NPAS3: variants seen among roughly 807,000 people sequenced by gnomAD.
NPAS3 encodes the protein neuronal PAS domain protein 3, also known as neuronal PAS domain-containing protein 3.
Under a neutral mutation model 73.1 loss-of-function variants are expected in NPAS3, and 14 were observed. The observed-to-expected ratio is 0.19, with a 90% confidence interval of 0.13 to 0.30. The LOEUF (loss-of-function observed/expected upper bound fraction) is 0.30. Among genes scored for constraint, NPAS3 ranks in the 10% least tolerant of loss-of-function variants. The pLI, the probability that NPAS3 is intolerant of heterozygous loss-of-function variation, is 1.00. For synonymous variants in NPAS3, 620 were observed against 541.5 expected, an observed-to-expected ratio of 1.14 and a Z score of -2.01; for missense variants, 1,096 against 1,250.0, an observed-to-expected ratio of 0.88 and a Z score of 1.86.
intron 4 of NPAS3, among the ~76,000 whole-genome samples, chr14:33,505,482 T>C (rs1355515916): frequency 6.6e-6 from 1 of 152,012 alleles, no homozygotes; most frequent in Non-Finnish European, 1.5e-5. Flanking sequence ...ATATGAGTTA[T>C]TAAAAGGTCT....
At chr14:33,497,473 A>T (rs2052263147) in intron 4 of NPAS3, among the ~76,000 whole-genome samples, 1 of 152,148 alleles carries the variant, frequency 6.6e-6, no homozygotes. Flanking sequence ...AGTAACCAAA[A>T]CGGCATGGTA....
chr14:33,315,164 A>G (rs530563389), intron 3 of NPAS3, among the ~76,000 whole-genome samples: 1 of 152,194 alleles, frequency 6.6e-6, no homozygotes, highest in South Asian at 2.1e-4. Context: ...GGAAAATGAC[A>G]TCTATGAAAA....
intron 2 of NPAS3, among the ~76,000 whole-genome samples, chr14:33,194,421 C>T (rs556704056): frequency 2.0e-5 from 3 of 152,090 alleles, no homozygotes; most frequent in Non-Finnish European, 4.4e-5. Flanking sequence ...CAAATCAAGA[C>T]CATAAGCTAC....
chr14:33,324,640 T>C (rs959815274), intron 3 of NPAS3, among the ~76,000 whole-genome samples: 1 of 152,170 alleles, frequency 6.6e-6, no homozygotes, highest in African/African-American at 2.4e-5. Flanking sequence ...TAGAAAATAA[T>C]AGAGATTTCT....
intron 6 of NPAS3, among the ~76,000 whole-genome samples, chr14:33,685,403 A>T (rs556149074): frequency 6.6e-6 from 1 of 152,312 alleles, no homozygotes; most frequent in South Asian, 2.1e-4. Context: ...ATGCCCAAAC[A>T]TATCAAGACC....
chr14:33,351,133 C>T (rs1209851247), intron 3 of NPAS3, among the ~76,000 whole-genome samples: 2 of 152,186 alleles, frequency 1.3e-5, no homozygotes, highest in Admixed American at 6.5e-5. Flanking sequence ...AACTCAAAAT[C>T]AGTTTTTCTT....
chr14:33,673,478 G>A (rs2059668677), intron 5 of NPAS3, among the ~76,000 whole-genome samples: 2 of 152,174 alleles, frequency 1.3e-5, no homozygotes, highest in African/African-American at 2.4e-5. Context: ...AAAATGATGT[G>A]CCAAAGTGGG....
chr14:33,061,568 A>T (rs2041100310), intron 2 of NPAS3, among the ~76,000 whole-genome samples: 1 of 152,210 alleles, frequency 6.6e-6, no homozygotes. Flanking sequence ...CCTATAAATG[A>T]CTTGAAGTAG....
At chr14:33,570,519 C>G (rs2056162011) in intron 5 of NPAS3, among the ~76,000 whole-genome samples, 1 of 152,056 alleles carries the variant, frequency 6.6e-6, no homozygotes, top group African/African-American at 2.4e-5. Flanking sequence ...ATAAAAAAAC[C>G]CATAATTTTT....
At chr14:33,323,407 G>A (rs1331931962) in intron 3 of NPAS3, among the ~76,000 whole-genome samples, 1 of 152,190 alleles carries the variant, frequency 6.6e-6, no homozygotes, top group Non-Finnish European at 1.5e-5. Flanking sequence ...AAGTAGCAGA[G>A]AAAAATTTTT....
At chr14:33,278,697 A>T (rs1020044020) in intron 3 of NPAS3, among the ~76,000 whole-genome samples, 4 of 152,172 alleles carry the variant, frequency 2.6e-5, no homozygotes, top group Non-Finnish European at 1.5e-5. Context: ...AAGATTGAGC[A>T]TATCTCTAAA....
Position 33,568,479 on chromosome 14 carries a change from A to C in NPAS3, c.558+8269A>C, listed in dbSNP as rs529861460. On this transcript the variant is annotated intron_variant, in intron 5 of 11. Transcript: ENST00000356141. ...CCATAATGCGGTGCTTATATGGGCA[A>C]TATATGCAAAATAATACCTCTACAC... Among the ~76,000 whole-genome samples the C allele has an allele frequency of 3.3e-5, 5 of 152,284 alleles. No homozygotes were observed. In the South Asian group the frequency reaches 1.0e-3, roughly 32 times the overall value.
chr14:33,023,746 G>C (rs1405302380), intron 1 of NPAS3, among the ~76,000 whole-genome samples: 1 of 151,948 alleles, frequency 6.6e-6, no homozygotes, highest in East Asian at 1.9e-4. Flanking sequence ...ATATTCTTTT[G>C]TGTTTTTTAA....
chr14:33,002,435 G>A (rs1187676234), intron 1 of NPAS3, among the ~76,000 whole-genome samples: 1 of 152,144 alleles, frequency 6.6e-6, no homozygotes, highest in Non-Finnish European at 1.5e-5. Flanking sequence ...AAATTATTCA[G>A]GGAAGGGAAT....
At chr14:33,573,500 G>A (rs2056312523) in intron 5 of NPAS3, among the ~76,000 whole-genome samples, 1 of 152,188 alleles carries the variant, frequency 6.6e-6, no homozygotes, top group Admixed American at 6.5e-5. Context: ...ACCTGGAGAA[G>A]TTTGCAAAGA....
intron 1 of NPAS3, among the ~76,000 whole-genome samples, chr14:32,987,644 G>A (rs1341270938): frequency 6.6e-6 from 1 of 151,988 alleles, no homozygotes; most frequent in Non-Finnish European, 1.5e-5. Flanking sequence ...ATTGATGACA[G>A]TAACAACAAT....
chr14:33,432,731 G>A, intron 4 of NPAS3, among the ~76,000 whole-genome samples: 1 of 152,158 alleles, frequency 6.6e-6, no homozygotes, highest in East Asian at 1.9e-4. Flanking sequence ...ATGCATCACT[G>A]AAACCTGTTT....
chr14:32,939,350 C>A (rs779249915), exon 1 of NPAS3: 3 of 704,230 alleles, frequency 4.3e-6, no homozygotes, highest in East Asian at 7.4e-5. Flanking sequence ...TCAGCAGGAT[C>A]CTTCCAGGCG....
intron 4 of NPAS3, among the ~76,000 whole-genome samples, chr14:33,557,572 A>G (rs957677370): frequency 6.6e-6 from 1 of 152,246 alleles, no homozygotes; most frequent in African/African-American, 2.4e-5. Flanking sequence ...AAGGCAGTAT[A>G]GTTAGTTATT....
Sources: allele counts gnomAD v4.1 joint callset (sites outside exome capture counted in the v4.1 genomes callset), GRCh38; gene constraint gnomAD v4.1.1; transcripts MANE v1.5; gene names NCBI Gene and HGNC (gene_info 2026-07-23, HGNC 2026-07-21).